MBNL2: variants seen among roughly 807,000 people sequenced by gnomAD.
MBNL2 encodes muscleblind-like protein 2.
MBNL2 carries 17 observed loss-of-function variants against 41.9 expected under a neutral mutation model. The observed-to-expected ratio is 0.41, with a 90% CI of 0.28 to 0.61. MBNL2 has a LOEUF of 0.61. Among genes scored for constraint, MBNL2 ranks in the 20% least tolerant of loss-of-function variants. The probability of loss-of-function intolerance (pLI) is 0.35; values close to 1 mark genes in which losing one functional copy is unlikely to be tolerated. For synonymous variants in MBNL2, 195 were observed against 182.9 expected (o/e 1.07, Z -0.53); for missense variants, 336 against 505.6 (o/e 0.66, Z 3.22).
chr13:97,310,023 C>T (rs2058449506), intron 2 of MBNL2, among the ~76,000 whole-genome samples: 1 of 152,192 alleles, frequency 6.6e-6, no homozygotes, highest in Non-Finnish European at 1.5e-5. Context: ...AGAGATTTAA[C>T]CAAAGTGGAG....
chr13:97,302,294 A>G (rs540808702), intron 2 of MBNL2, among the ~76,000 whole-genome samples: 2 of 152,322 alleles, frequency 1.3e-5, no homozygotes, highest in East Asian at 1.9e-4. Context: ...ATCCCTTTCA[A>G]TTAGAAAGGC....
intron 2 of MBNL2, among the ~76,000 whole-genome samples, chr13:97,315,600 A>G (rs1005886779): frequency 6.6e-6 from 1 of 152,212 alleles, no homozygotes; most frequent in Non-Finnish European, 1.5e-5. Context: ...GTGGTCAGAG[A>G]GTCATTCATG....
chr13:97,255,782 A>G (rs563628676), intron 1 of MBNL2, among the ~76,000 whole-genome samples: 2 of 152,310 alleles, frequency 1.3e-5, no homozygotes, highest in African/African-American at 2.4e-5. Flanking sequence ...GGCTGAGCCA[A>G]TTATCCGTGA....
At chr13:97,326,535 T>A (rs571580663) in intron 2 of MBNL2, among the ~76,000 whole-genome samples, 1 of 152,216 alleles carries the variant, frequency 6.6e-6, no homozygotes, top group Non-Finnish European at 1.5e-5. Flanking sequence ...AGAAAGAGCT[T>A]ATTAGAGGCT....
chr13:97,166,930 C>G, the MBNL2 span, among the ~76,000 whole-genome samples: 1 of 152,122 alleles, frequency 6.6e-6, no homozygotes, highest in Non-Finnish European at 1.5e-5. Flanking sequence ...CTGGGTAATT[C>G]TGATTTGTAG....
chr13:97,341,830 T>C (rs1369831439), intron 3 of MBNL2, among the ~76,000 whole-genome samples: 2 of 152,218 alleles, frequency 1.3e-5, no homozygotes, highest in Admixed American at 1.3e-4. Flanking sequence ...TTGTCATTTT[T>C]CCCATATGTT....
Position 97,382,508 on chromosome 13 carries a change from G to A in MBNL2, c.1049-8814G>A, listed in dbSNP as rs142421773. 1.9e-3 allele frequency among the ~76,000 whole-genome samples: 290 copies of A among 152,226 alleles called. 2 individuals carry two copies. Among genetic ancestry groups the A allele is most frequent in the African/African-American group, 6.6e-3 (275 of 41,512 alleles). On this transcript the variant is annotated intron_variant, in intron 8 of 8. Coordinates refer to ENST00000679496, the MANE Select transcript of MBNL2 (RefSeq NM_001382683.1). ...GAATTCCATGACTAGAATGTCATCCGGGGAAAGCCTGTGGAGTCGGAATGG... is the reference window on the plus strand; with the variant it reads ...GAATTCCATGACTAGAATGTCATCCAGGGAAAGCCTGTGGAGTCGGAATGG...
chr13:97,211,200 A>G, the MBNL2 span, among the ~76,000 whole-genome samples: 4 of 151,620 alleles, frequency 2.6e-5, no homozygotes, highest in East Asian at 7.8e-4. Context: ...TGTAGATGAA[A>G]GATTTCTTCT....
chr13:97,165,664 C>G, the MBNL2 span, among the ~76,000 whole-genome samples: 1 of 152,152 alleles, frequency 6.6e-6, no homozygotes, highest in African/African-American at 2.4e-5. Context: ...CAGAGACACT[C>G]AACAAGTCAA....
intron 8 of MBNL2, among the ~76,000 whole-genome samples, chr13:97,383,344 G>T (rs900113298): frequency 6.6e-6 from 1 of 152,158 alleles, no homozygotes; most frequent in Non-Finnish European, 1.5e-5. Context: ...GAGCATTCCC[G>T]TTTATGAATT....
chr13:97,195,170 G>T, the MBNL2 span, among the ~76,000 whole-genome samples: 6 of 152,054 alleles, frequency 3.9e-5, no homozygotes, highest in Non-Finnish European at 7.4e-5. Context: ...ATCTGGAGGC[G>T]ACCTCTCGAT....
chr13:97,188,099 G>T, the MBNL2 span, among the ~76,000 whole-genome samples: 2 of 152,070 alleles, frequency 1.3e-5, no homozygotes, highest in Non-Finnish European at 2.9e-5. Flanking sequence ...AGATTCACCC[G>T]CAGAGTAATT....
intron 1 of MBNL2, among the ~76,000 whole-genome samples, chr13:97,255,889 A>G (rs1410377819): frequency 6.6e-6 from 1 of 152,232 alleles, no homozygotes; most frequent in Non-Finnish European, 1.5e-5. Context: ...AGCCAAAAGC[A>G]TCAGCTAAGA....
chr13:97,315,438 C>G (rs1385892941), intron 2 of MBNL2, among the ~76,000 whole-genome samples: 1 of 152,214 alleles, frequency 6.6e-6, no homozygotes, highest in Non-Finnish European at 1.5e-5. Flanking sequence ...TCATGAGAAA[C>G]TTACAAGATA....
intron 2 of MBNL2, among the ~76,000 whole-genome samples, chr13:97,303,035 A>T (rs781234691): frequency 1.3e-5 from 2 of 152,188 alleles, no homozygotes; most frequent in Non-Finnish European, 2.9e-5. Context: ...ACTGGGCCCT[A>T]TGTGATTTCC....
At chr13:97,336,802 A>G (rs76861760) in intron 3 of MBNL2, among the ~76,000 whole-genome samples, 5,220 of 152,282 alleles carry the variant, frequency 0.034, 289 homozygotes, top group African/African-American at 0.11. Flanking sequence ...TACAGCAGTT[A>G]CCGGAAACTA....
chr13:97,357,764 C>T, intron 7 of MBNL2, 129 bp downstream of exon 7: 1 of 905,706 alleles, frequency 1.1e-6, no homozygotes, highest in Non-Finnish European at 1.8e-6. Flanking sequence ...CATCGTTGTC[C>T]TAGCTATCTA....
intron 1 of MBNL2, among the ~76,000 whole-genome samples, chr13:97,226,834 G>A (rs1322121205): frequency 1.3e-5 from 2 of 152,038 alleles, no homozygotes; most frequent in African/African-American, 2.4e-5. Context: ...GCCCCAAAGT[G>A]CCTGGGGAAA....
chr13:97,170,318 C>A, the MBNL2 span, among the ~76,000 whole-genome samples: 1 of 152,194 alleles, frequency 6.6e-6, no homozygotes, highest in Non-Finnish European at 1.5e-5. Context: ...CATGTGCTAT[C>A]TCATTTAAAA....
Sources: gnomAD v4.1 joint callset for allele counts (sites outside exome capture counted in the v4.1 genomes callset) on GRCh38, gnomAD v4.1.1 for gene constraint, MANE v1.5 for transcripts, NCBI Gene and HGNC (gene_info 2026-07-23, HGNC 2026-07-21) for gene names.